Variants in AGTPBP1 observed in about 807,000 individuals in gnomAD.
AGTPBP1 encodes cytosolic carboxypeptidase 1.
A neutral mutation model predicts 143.9 loss-of-function variants in AGTPBP1; 70 were observed. That is an observed-to-expected ratio of 0.49 (90% CI 0.40 to 0.59). AGTPBP1 has a LOEUF of 0.59. AGTPBP1 is among the 20% of genes least tolerant of loss of function. The pLI is 0.00. For synonymous variants in AGTPBP1, 463 were observed against 500.2 expected, an observed-to-expected ratio of 0.93 and a Z score of 0.99; for missense variants, 1,229 against 1,464.5, an observed-to-expected ratio of 0.84 and a Z score of 2.62.
chr9:85,553,018 G>A (rs1376459815), intron 25 of AGTPBP1, among the ~76,000 whole-genome samples: 3 of 152,130 alleles, frequency 2.0e-5, no homozygotes, highest in African/African-American at 7.2e-5. Flanking sequence ...ACCAGAAGAT[G>A]TTTCATTTAT....
At chr9:85,738,670 C>CAG (rs138300445) in intron 1 of AGTPBP1, among the ~76,000 whole-genome samples, 2,252 of 152,200 alleles carry the variant, frequency 0.015, 24 homozygotes, top group Middle Eastern at 0.037. Flanking sequence ...AAGGGACAAA[C>CAG]GGATTTATCA....
chr9:85,665,086 A>G (rs951258936), intron 8 of AGTPBP1, among the ~76,000 whole-genome samples: 8 of 152,224 alleles, frequency 5.3e-5, no homozygotes, highest in African/African-American at 1.2e-4. Flanking sequence ...ATTGTGTTCA[A>G]AAAGGTATGT....
At chr9:85,574,023 T>C (rs537302226) in intron 25 of AGTPBP1, among the ~76,000 whole-genome samples, 2 of 152,258 alleles carry the variant, frequency 1.3e-5, no homozygotes, top group African/African-American at 2.4e-5. Flanking sequence ...TTTTGTGGAA[T>C]AGAAAAGGGG....
intron 1 of AGTPBP1, among the ~76,000 whole-genome samples, chr9:85,734,471 T>C (rs1839105039): frequency 6.6e-6 from 1 of 152,178 alleles, no homozygotes; most frequent in African/African-American, 2.4e-5. Context: ...CCAGTATTCT[T>C]TATGACCATT....
the AGTPBP1 span, among the ~76,000 whole-genome samples, chr9:85,786,928 C>T: frequency 6.6e-6 from 1 of 151,886 alleles, no homozygotes; most frequent in African/African-American, 2.4e-5. Context: ...TATAAATGTA[C>T]ATTATAAAAG....
intron 15 of AGTPBP1, 105 bp from the exon 16 acceptor site, chr9:85,619,406 C>A: frequency 1.4e-6 from 1 of 725,356 alleles, no homozygotes; most frequent in Non-Finnish European, 2.2e-6. Context: ...ACTGCCATAT[C>A]ACCTTCCTCA....
At chr9:85,742,510 A>G (rs903438195), upstream of AGTPBP1, among the ~76,000 whole-genome samples, 1 of 152,170 alleles carries the variant, frequency 6.6e-6, no homozygotes, top group Non-Finnish European at 1.5e-5. Context: ...TGGAAGGGAC[A>G]TGCTGTTACT....
At chr9:85,613,799 C>A (rs574781417) in intron 17 of AGTPBP1, among the ~76,000 whole-genome samples, 2 of 152,080 alleles carry the variant, frequency 1.3e-5, no homozygotes, top group East Asian at 3.9e-4. Context: ...AAAGATAGTT[C>A]TCGAAAAAGA....
Position 85,589,644 on chromosome 9 carries a change from T to C in AGTPBP1, c.2606A>G (p.Gln869Arg). The change falls in exon 20 of 26, where the codon CAG (glutamine) becomes CGG (arginine). Residue 869 changes from glutamine (Q) to arginine (R), a missense_variant. Transcript: ENST00000357081. Reference sequence around the variant, plus strand: ...CACATCTTTCCGAAAATAGATTTGCTGAGGATTGTGTGCTGATTCCAATTT... The same window carrying C: ...CACATCTTTCCGAAAATAGATTTGCCGAGGATTGTGTGCTGATTCCAATTT... ...LQKLESAHNP[Q>R]QIYFRKDVLC... The C allele has an allele frequency of 6.2e-7, 1 of 1,612,840 alleles. No individual in the cohort carries two copies. Among genetic ancestry groups the C allele is most frequent in the Non-Finnish European group, 8.5e-7 (1 of 1,179,470 alleles).
intron 1 of AGTPBP1, among the ~76,000 whole-genome samples, chr9:85,718,801 G>A (rs1837898186): frequency 6.6e-6 from 1 of 152,086 alleles, no homozygotes; most frequent in Non-Finnish European, 1.5e-5. Flanking sequence ...TATGGTTTTA[G>A]GTCTTACACT....
rs558578947 is a variant in AGTPBP1 at position 85,547,097 on chromosome 9, A to C, written c.*12T>G. On this transcript the variant is annotated 3_prime_UTR_variant, in exon 26 of 26. Transcript: ENST00000357081. ...ATTTATTCTTTGCAGTTAACAAGAGATGGCAGCGGGCTCAAGGTAGGTATG... is the reference window on the plus strand; with the variant it reads ...ATTTATTCTTTGCAGTTAACAAGAGCTGGCAGCGGGCTCAAGGTAGGTATG... The C allele has an allele frequency of 2.5e-6, 4 of 1,588,778 alleles. No homozygotes were observed. In the East Asian group the frequency reaches 9.1e-5, roughly 36 times the overall value.
chr9:85,574,463 CAA>C (rs4011699), intron 25 of AGTPBP1, among the ~76,000 whole-genome samples: 24,884 of 115,990 alleles, frequency 0.21, 2,763 homozygotes, highest in East Asian at 0.54. Context: ...CAAGAATGAT[CAA>C]AAAAAAAAAA....
At chr9:85,721,305 T>C (rs1428972226) in intron 1 of AGTPBP1, among the ~76,000 whole-genome samples, 1 of 152,154 alleles carries the variant, frequency 6.6e-6, no homozygotes, top group African/African-American at 2.4e-5. Flanking sequence ...CTAAGTCTCT[T>C]TGTTGGTCTC....
chr9:85,802,943 T>C, the AGTPBP1 span, among the ~76,000 whole-genome samples: 4 of 152,216 alleles, frequency 2.6e-5, no homozygotes, highest in Non-Finnish European at 5.9e-5. Context: ...TACTTGACCA[T>C]ATGCAACTGA....
chr9:85,786,179 A>G, the AGTPBP1 span: 1 of 1,604,362 alleles, frequency 6.2e-7, no homozygotes, highest in Non-Finnish European at 8.5e-7. Flanking sequence ...TCCAGACCTG[A>G]AAGTATGAAA....
At position 85,642,218 on chromosome 9, in the gene AGTPBP1, T is replaced by C. The variant is rs140417756; in HGVS notation, c.1302+609A>G. Among the ~76,000 whole-genome samples the C allele has an allele frequency of 9.7e-4, 147 of 152,302 alleles. 1 individual carries two copies. The highest frequency in any genetic ancestry group is 3.2e-3 in the African/African-American group (134 of 41,554). On this transcript the variant is annotated intron_variant, in intron 13 of 25. Coordinates refer to ENST00000357081, the MANE Select transcript of AGTPBP1 (RefSeq NM_001330701.2). ...AGGAACCATCACAAAAGCCAGCTAA[T>C]TGCCAACAATTCAATCAACTTGACT...
In AGTPBP1 at chr9:85,633,336, T is replaced by C; in HGVS notation, c.1341A>G (p.Val447=). The C allele has an allele frequency of 6.3e-7, 1 of 1,592,490 alleles. No individual in the cohort carries two copies. The highest frequency in any genetic ancestry group is 8.5e-7 in the Non-Finnish European group (1 of 1,174,154). Residue 447 remains valine, a synonymous_variant, in exon 14 of 26, where the codon GTA becomes GTG. Coordinates refer to ENST00000357081, the MANE Select transcript of AGTPBP1 (RefSeq NM_001330701.2). ...TAGGACCACGTACTTTTCCCTCAAA[T>C]ACAAAAGGCTTTGGTTCTTTGGAGA... ...DLISKEPKPF[V]FEGKVRGPIV...
At chr9:85,800,354 A>C in the AGTPBP1 span, among the ~76,000 whole-genome samples, 1 of 152,244 alleles carries the variant, frequency 6.6e-6, no homozygotes, top group South Asian at 2.1e-4. Flanking sequence ...GTAGTTTTAG[A>C]GCCTTTCCAG....
intron 10 of AGTPBP1, among the ~76,000 whole-genome samples, chr9:85,656,928 G>A (rs992733831): frequency 2.6e-5 from 4 of 151,992 alleles, no homozygotes; most frequent in South Asian, 2.1e-4. Flanking sequence ...ATGGCTTTAC[G>A]GAATCCCCTC....
Sources: allele counts gnomAD v4.1 joint callset (sites outside exome capture counted in the v4.1 genomes callset), GRCh38; gene constraint gnomAD v4.1.1; transcripts MANE v1.5; gene names NCBI Gene and HGNC (gene_info 2026-07-23, HGNC 2026-07-21).